Variants in UGT1A10 observed in about 807,000 individuals in gnomAD.
UGT1A10 encodes UDP-glucuronosyltransferase 1A10.
In UGT1A10, 49 loss-of-function variants were observed where a neutral mutation model predicts 45.8. The observed-to-expected ratio is 1.07, with a 90% CI of 0.85 to 1.36. The LOEUF (loss-of-function observed/expected upper bound fraction) is 1.36. UGT1A10 is among the 40% of genes most tolerant of loss of function. The probability of loss-of-function intolerance (pLI) is 0.00; values close to 1 mark genes in which losing one functional copy is unlikely to be tolerated. For missense variants in UGT1A10, 745 were observed against 668.6 expected (o/e 1.11, Z -1.26); for synonymous variants, 284 against 249.7 (o/e 1.14, Z -1.29).
intron 1 of UGT1A10, chr2:233,693,660 CCTAT>C: frequency 9.9e-6 from 16 of 1,614,092 alleles, no homozygotes; most frequent in Non-Finnish European, 1.4e-5. Context: ...TTGTTGGAGC[CCTAT>C]CTATTTTATT....
intron 1 of UGT1A10, chr2:233,690,406 A>G (rs1332144617): frequency 5.9e-6 from 7 of 1,193,304 alleles, no homozygotes; most frequent in Non-Finnish European, 7.7e-6. Flanking sequence ...TATTCCCAAC[A>G]TGAAATTACC....
At chr2:233,726,154 A>C (rs1401315695) in intron 1 of UGT1A10, among the ~76,000 whole-genome samples, 3 of 152,336 alleles carry the variant, frequency 2.0e-5, no homozygotes, top group Middle Eastern at 3.4e-3. Flanking sequence ...TGACAGAGTG[A>C]GGCCCCATTT....
chr2:233,757,466 T>A (rs1362251733), intron 1 of UGT1A10, among the ~76,000 whole-genome samples: 1 of 149,346 alleles, frequency 6.7e-6, no homozygotes, highest in Non-Finnish European at 1.5e-5. Context: ...GAGCGCTTAC[T>A]GTCTCCAAAA....
chr2:233,678,349 G>T (rs2074414759), intron 1 of UGT1A10, among the ~76,000 whole-genome samples: 1 of 152,100 alleles, frequency 6.6e-6, no homozygotes, highest in African/African-American at 2.4e-5. Context: ...CATCATAAAG[G>T]TCTCCATCCT....
intron 1 of UGT1A10, among the ~76,000 whole-genome samples, chr2:233,677,802 T>C (rs1224508611): frequency 6.6e-6 from 1 of 152,050 alleles, no homozygotes; most frequent in East Asian, 1.9e-4. Context: ...AGAACTGTCA[T>C]TCGACCCAGC....
chr2:233,738,464 T>C (rs1182388871), intron 1 of UGT1A10, among the ~76,000 whole-genome samples: 1 of 152,210 alleles, frequency 6.6e-6, no homozygotes, highest in Non-Finnish European at 1.5e-5. Flanking sequence ...GTGGGAAAGT[T>C]TGGAACTTCC....
chr2:233,754,974 ACCTCGG>A (rs1369157258), intron 1 of UGT1A10: 6 of 1,299,856 alleles, frequency 4.6e-6, no homozygotes, highest in Non-Finnish European at 6.2e-6. Context: ...CTCCCTGAAG[ACCTCGG>A]CGGGGTCACG....
At chr2:233,737,905 A>C (rs1690628626) in intron 1 of UGT1A10, among the ~76,000 whole-genome samples, 1 of 152,094 alleles carries the variant, frequency 6.6e-6, no homozygotes. Flanking sequence ...AGTGTGGTAA[A>C]GAACAGGCTA....
intron 1 of UGT1A10, among the ~76,000 whole-genome samples, chr2:233,702,811 A>G (rs1473655443): frequency 6.6e-6 from 1 of 152,162 alleles, no homozygotes; most frequent in Non-Finnish European, 1.5e-5. Context: ...GAATAATCCC[A>G]CTTGATTGTG....
In UGT1A10 at chr2:233,760,894, CACATGACCTTCCTGCAGCGGGTGA is replaced by C. The variant is rs1553620849; in HGVS notation, c.856-6138_856-6115del. ...CAGGCCTCTCTCCTCTCATTCAGAT[CACATGACCTTCCTGCAGCGGGTGA>C]AGAACATGCTCATTGCCTTTTCACA... On this transcript the variant is annotated intron_variant, in intron 1 of 4. Coordinates refer to ENST00000344644, the MANE Select transcript of UGT1A10 (RefSeq NM_019075.4). The C allele has an allele frequency of 3.1e-6, 5 of 1,614,174 alleles. No homozygotes were observed. The highest frequency in any genetic ancestry group is 1.7e-5 in the Admixed American group (1 of 60,026).
At chr2:233,770,661 TAAAAA>T (rs112650156) in intron 4 of UGT1A10, 1 of 137,296 alleles carries the variant, frequency 7.3e-6, no homozygotes, top group Non-Finnish European at 1.6e-5. Flanking sequence ...CCGTCTTACT[TAAAAA>T]AAAAAAAAAG....
chr2:233,757,562 G>GATATATATA (rs1696648748), intron 1 of UGT1A10, among the ~76,000 whole-genome samples: 1 of 90,870 alleles, frequency 1.1e-5, no homozygotes, highest in African/African-American at 5.1e-5. Context: ...ATATATATAT[G>GATATATATA]TATATATGAT....
At chr2:233,657,059 C>G (rs747938165) in intron 1 of UGT1A10, among the ~76,000 whole-genome samples, 1 of 152,074 alleles carries the variant, frequency 6.6e-6, no homozygotes, top group Non-Finnish European at 1.5e-5. Flanking sequence ...CCCTCACCAG[C>G]TTCTTTCCTT....
chr2:233,743,881 C>T (rs755016650), intron 1 of UGT1A10: 6 of 1,366,984 alleles, frequency 4.4e-6, no homozygotes, highest in Middle Eastern at 4.2e-4. Flanking sequence ...ATGAGGCCTG[C>T]CGGGGCACGT....
intron 1 of UGT1A10, among the ~76,000 whole-genome samples, chr2:233,681,633 G>A (rs760827238): frequency 1.3e-5 from 2 of 149,978 alleles, no homozygotes; most frequent in Non-Finnish European, 2.9e-5. Flanking sequence ...TTTCAATGTC[G>A]TCAAGGCCAA....
chr2:233,732,988 A>G (rs1229388151), intron 1 of UGT1A10, among the ~76,000 whole-genome samples: 2 of 152,034 alleles, frequency 1.3e-5, no homozygotes, highest in Non-Finnish European at 2.9e-5. Flanking sequence ...TATTTCGTTG[A>G]GCAGTGGTTT....
chr2:233,637,523 G>A, intron 1 of UGT1A10, 146 bp downstream of exon 1: 1 of 1,426,372 alleles, frequency 7.0e-7, no homozygotes, highest in Non-Finnish European at 9.2e-7. Flanking sequence ...GCGAATTCAT[G>A]TACTCATCAA....
intron 1 of UGT1A10, among the ~76,000 whole-genome samples, chr2:233,661,623 TTTTCTTTCTTTCTTTCTTTCTTTCTTTC>T (rs55749169): frequency 8.1e-5 from 10 of 123,952 alleles, no homozygotes; most frequent in Admixed American, 7.5e-4. Flanking sequence ...ACTTACTGAA[TTTTCTTTCTTTCTTTCTTTCTTTCTTTC>T]TTTCTTTCTT....
In UGT1A10 at chr2:233,769,538, C is replaced by A; in HGVS notation, c.1295+1099C>A. 6.2e-7 allele frequency: 1 copy of A among 1,612,838 alleles called. No homozygotes were observed. Among genetic ancestry groups the A allele is most frequent in the Non-Finnish European group, 8.5e-7 (1 of 1,179,878 alleles). ...CATGGTTACCTCCTTTAGAAAGAAGCAGCAGTCAGGAAGACAGATGTGAAG... is the reference window on the plus strand; with the variant it reads ...CATGGTTACCTCCTTTAGAAAGAAGAAGCAGTCAGGAAGACAGATGTGAAG... On this transcript the variant is annotated intron_variant, in intron 4 of 4. Coordinates refer to ENST00000344644, the MANE Select transcript of UGT1A10 (RefSeq NM_019075.4). The surrounding 1 kb of genome is among the most constrained non-coding windows in gnomAD (Gnocchi z 4.4).
Sources: allele counts gnomAD v4.1 joint callset (sites outside exome capture counted in the v4.1 genomes callset), GRCh38; gene constraint gnomAD v4.1.1; non-coding constraint Gnocchi (gnomAD v3.1); transcripts MANE v1.5; gene names NCBI Gene and HGNC (gene_info 2026-07-23, HGNC 2026-07-21).